The following TCFL5 variants were observed in gnomAD, a reference collection of about 807,000 sequenced individuals.
TCFL5 encodes transcription factor-like 5 protein.
In TCFL5, 9 loss-of-function variants were observed where a neutral mutation model predicts 44.3. The ratio of observed to expected loss-of-function variants is 0.20; its 90% CI spans 0.12 to 0.35. The LOEUF (loss-of-function observed/expected upper bound fraction) is 0.35. TCFL5 is among the 10% of genes least tolerant of loss of function. TCFL5 has a pLI of 1.00. For synonymous variants in TCFL5, 319 were observed against 271.6 expected, an observed-to-expected ratio of 1.17 and a Z score of -1.72; for missense variants, 603 against 613.4, an observed-to-expected ratio of 0.98 and a Z score of 0.18.
intron 5 of TCFL5, among the ~76,000 whole-genome samples, chr20:62,850,707 C>A (rs2063798039): frequency 1.3e-5 from 2 of 152,200 alleles, no homozygotes; most frequent in Non-Finnish European, 2.9e-5. Flanking sequence ...GGCCCCCAAC[C>A]CTCAGGACTA....
chr20:62,845,894 A>C (rs1180958114), intron 5 of TCFL5: 11 of 1,544,874 alleles, frequency 7.1e-6, no homozygotes, highest in Non-Finnish European at 7.9e-6. Context: ...CAGTCAACAA[A>C]GAATGAGTTA....
intron 1 of TCFL5, among the ~76,000 whole-genome samples, chr20:62,860,568 G>C (rs1308616913): frequency 3.9e-5 from 6 of 152,214 alleles, no homozygotes; most frequent in Non-Finnish European, 5.9e-5. Flanking sequence ...GTGTGACCAC[G>C]ATGGGCAACT....
At position 62,860,327 on chromosome 20, in the gene TCFL5, G is replaced by A. The variant is rs557309319; in HGVS notation, c.648-19C>T. On this transcript the variant is annotated intron_variant, in intron 1 of 5. Coordinates refer to ENST00000335351, the MANE Select transcript of TCFL5 (RefSeq NM_006602.4). ...TACCAAACTGCCAAGACAAAAGAAA[G>A]CCCAGAAGTGTCAGCAATACGTGGC... is the stretch of plus-strand genomic sequence containing the variant. 1 of 1,593,714 alleles carries A rather than the reference G, an allele frequency of 6.3e-7. No individual in the cohort carries two copies. Among genetic ancestry groups the A allele is most frequent in the Non-Finnish European group, 8.6e-7 (1 of 1,163,790 alleles).
At position 62,841,023 on chromosome 20, in the gene TCFL5, G is replaced by GTAAC. The variant is rs919470078; in HGVS notation, c.*948_*951dup. ...AACTCCACGAGGTGAAAAATATTCA[G>GTAAC]TAACTTGTTTACATAGCATTTGTGT... On this transcript the variant is annotated 3_prime_UTR_variant, in exon 6 of 6. Coordinates refer to ENST00000335351, the MANE Select transcript of TCFL5 (RefSeq NM_006602.4). 9.7e-6 allele frequency: 4 copies of GTAAC among 410,686 alleles called. No individual in the cohort carries two copies. Among genetic ancestry groups the GTAAC allele is most frequent in the Non-Finnish European group, 1.8e-5 (4 of 222,948 alleles). 25.4% of individuals were successfully genotyped at this position (410,686 alleles called of 1,614,324 possible). A position where few individuals can be genotyped will look rare whatever the true frequency, so the allele number is the denominator to read the frequency against.
At chr20:62,847,051 C>T (rs2063753410) in intron 5 of TCFL5, among the ~76,000 whole-genome samples, 1 of 151,448 alleles carries the variant, frequency 6.6e-6, no homozygotes, top group African/African-American at 2.4e-5. Flanking sequence ...GGGGTGGTGG[C>T]ACATGCCTGT....
intron 5 of TCFL5, among the ~76,000 whole-genome samples, chr20:62,849,019 T>G (rs2063777045): frequency 6.6e-6 from 1 of 152,044 alleles, no homozygotes; most frequent in Admixed American, 6.6e-5. Flanking sequence ...AATACAAAAA[T>G]TAGCCGGGCA....
chr20:62,860,961 GGCCCCGGC>G, intron 1 of TCFL5, 55 bp downstream of exon 1: 1 of 822,372 alleles, frequency 1.2e-6, no homozygotes, highest in Non-Finnish European at 1.4e-6. Context: ...CCTCCGCCCC[GGCCCCGGC>G]CCCGGCCTCG....
chr20:62,846,015 T>C lies in TCFL5; in HGVS notation c.1381-3918A>G. 2.2e-6 allele frequency: 3 copies of C among 1,380,392 alleles called. No homozygotes were observed. The African/African-American group carries it at 4.4e-5, about 20-fold the overall frequency. 85.5% of individuals were successfully genotyped at this position (1,380,392 alleles called of 1,614,324 possible). ...TCGTGGAGACACAGCCATTTGTGAT[T>C]TGCTGTTCTGTAGGCGTGTTGTGGA... On this transcript the variant is annotated intron_variant, in intron 5 of 5. Transcript: ENST00000335351.
rs1250593030 is a variant in TCFL5 at position 62,856,273 on chromosome 20, AAAAG to A, written c.1238+1118_1238+1121del. Among the ~76,000 whole-genome samples, 366 of 150,894 alleles carry A rather than the reference AAAAG, an allele frequency of 2.4e-3. 3 individuals are homozygous for A. In the Middle Eastern group the frequency reaches 0.028, roughly 11 times the overall value. On this transcript the variant is annotated intron_variant, in intron 4 of 5. Transcript: ENST00000335351. ...GTCTCAAAAAAAAAAAAAAAAAAGAAAAAGAAAAGAAAACCCAATTATAATAGAA... is the reference window on the plus strand; with the variant it reads ...GTCTCAAAAAAAAAAAAAAAAAAGAAAAAAGAAAACCCAATTATAATAGAA...
intron 3 of TCFL5, 89 bp from the exon 4 acceptor site, chr20:62,857,727 T>C (rs951109105): frequency 2.1e-5 from 30 of 1,458,826 alleles, no homozygotes; most frequent in Non-Finnish European, 2.6e-5. Context: ...CAATCCAAGA[T>C]ATAAACATTA....
chr20:62,841,164 G>T lies in TCFL5; in HGVS notation c.*811C>A. 5.3e-6 allele frequency: 1 copy of T among 189,302 alleles called. No individual in the cohort carries two copies. The highest frequency in any genetic ancestry group is 1.1e-5 in the Non-Finnish European group (1 of 90,422). The allele number at this position is 189,302 out of a possible 1,614,324, so 11.7% of individuals were successfully genotyped here. A position where few individuals can be genotyped will look rare whatever the true frequency, so the allele number is the denominator to read the frequency against. The stretch of plus-strand genomic sequence containing the variant: ...TACAGTAAATTCTCTCCCATACAAA[G>T]GTCTAGTCTGATGTTTTGTGTACAA... On this transcript the variant is annotated 3_prime_UTR_variant, in exon 6 of 6. Transcript: ENST00000335351.
At chr20:62,848,162 C>A (rs1253458601) in intron 5 of TCFL5, among the ~76,000 whole-genome samples, 1 of 152,196 alleles carries the variant, frequency 6.6e-6, no homozygotes, top group East Asian at 1.9e-4. Flanking sequence ...ACAGCGACAC[C>A]GGGGCCTGAT....
chr20:62,851,267 T>C (rs2063806102), intron 5 of TCFL5, among the ~76,000 whole-genome samples: 1 of 152,148 alleles, frequency 6.6e-6, no homozygotes, highest in Admixed American at 6.5e-5. Flanking sequence ...GGTCTAATAA[T>C]GTGACCCAGA....
In TCFL5 at chr20:62,857,406, T is replaced by C. The variant is rs1299426238; in HGVS notation, c.1227A>G (p.Glu409=). The C allele has an allele frequency of 6.2e-7, 1 of 1,614,080 alleles. No individual in the cohort carries two copies. Among genetic ancestry groups the C allele is most frequent in the East Asian group, 2.2e-5 (1 of 44,900 alleles). The change falls in exon 4 of 6, where the codon GAA becomes GAG. Residue 409 remains glutamate, a synonymous_variant. Coordinates refer to ENST00000335351, the MANE Select transcript of TCFL5 (RefSeq NM_006602.4). ...SQRRERHNRM[E]RDRRRRIRIC... ...GTCACACGTATTACCTTCTATCTCT[T>C]TCCATTCGGTTATGCCTCTCCCTAC...
At chr20:62,860,960 C>T in intron 1 of TCFL5, 64 bp downstream of exon 1, 11 of 822,230 alleles carry the variant, frequency 1.3e-5, no homozygotes, top group Non-Finnish European at 1.6e-5. Context: ...GCCTCCGCCC[C>T]GGCCCCGGCC....
chr20:62,847,966 CGCCGGGCA>C (rs111864448), intron 5 of TCFL5, among the ~76,000 whole-genome samples: 7,517 of 152,238 alleles, frequency 0.049, 261 homozygotes, highest in Middle Eastern at 0.1. Context: ...TACAGACAAG[CGCCGGGCA>C]GCCGGGCAGC....
At chr20:62,848,595 G>C (rs140344223) in intron 5 of TCFL5, among the ~76,000 whole-genome samples, 1 of 151,918 alleles carries the variant, frequency 6.6e-6, no homozygotes. Context: ...AAAATTAGCC[G>C]GGCGTGGTGG....
In TCFL5 at chr20:62,859,459, A is replaced by G. The variant is rs1259969387; in HGVS notation, c.899T>C (p.Phe300Ser). The change falls in exon 3 of 6, where the codon TTT becomes TCT. Residue 300 changes from phenylalanine (F) to serine (S), a missense_variant. This residue lies in a region of TCFL5 where 540 missense variants were observed against 478.7 expected (regional missense o/e 1.13). Transcript: ENST00000335351. ...KHQDIGLPRA[F>S]SFCYQQEIES... Reference sequence around the variant, plus strand: ...AATTTCTTGCTGATAACAGAAAGAAAATGCTCTAGGCAATCCAATATCCTG... The same window carrying G: ...AATTTCTTGCTGATAACAGAAAGAAGATGCTCTAGGCAATCCAATATCCTG... The G allele has an allele frequency of 1.2e-6, 2 of 1,614,160 alleles. No homozygotes were observed. Among genetic ancestry groups the G allele is most frequent in the Admixed American group, 3.3e-5 (2 of 60,022 alleles).
chr20:62,853,589 G>T (rs1459576070), intron 5 of TCFL5, among the ~76,000 whole-genome samples: 3 of 152,182 alleles, frequency 2.0e-5, no homozygotes, highest in Admixed American at 6.5e-5. Context: ...GGGCTCAAGA[G>T]ATCCTCCCAC....
Sources: allele counts gnomAD v4.1 joint callset (sites outside exome capture counted in the v4.1 genomes callset), GRCh38; gene constraint gnomAD v4.1.1; regional missense constraint gnomAD v4.1.1; transcripts MANE v1.5; gene names NCBI Gene and HGNC (gene_info 2026-07-23, HGNC 2026-07-21).